The following PARP16 variants were observed in gnomAD, a reference collection of about 807,000 sequenced individuals.
PARP16 encodes poly(ADP-ribose) polymerase family member 16.
PARP16 carries 31 observed loss-of-function variants against 35.0 expected under a neutral mutation model. The observed-to-expected ratio is 0.88, with a 90% CI of 0.66 to 1.19. The LOEUF is 1.19. Ranked by LOEUF, PARP16 falls within the 50% of genes most tolerant of loss-of-function variation. The pLI is 0.00. For synonymous variants in PARP16, 162 were observed against 169.5 expected (o/e 0.96, Z 0.34); for missense variants, 424 against 411.2 (o/e 1.03, Z -0.27).
intron 1 of PARP16, among the ~76,000 whole-genome samples, chr15:65,279,221 C>T (rs992625872): frequency 6.6e-6 from 1 of 152,158 alleles, no homozygotes; most frequent in Non-Finnish European, 1.5e-5. Context: ...AAACCTACAA[C>T]CCTGAGTTGT....
At chr15:65,279,834 CT>C (rs1468378903) in intron 1 of PARP16, among the ~76,000 whole-genome samples, 1 of 150,856 alleles carries the variant, frequency 6.6e-6, no homozygotes, top group African/African-American at 2.4e-5. Flanking sequence ...CAAGGCTGCA[CT>C]TTAAACCAAT....
chr15:65,271,022 G>GA lies in PARP16; in HGVS notation c.224_225insT (p.Gly76ArgfsTer31). 6.2e-7 allele frequency: 1 copy of GA among 1,613,492 alleles called. No homozygotes were observed. The highest frequency in any genetic ancestry group is 8.5e-7 in the Non-Finnish European group (1 of 1,179,470). ...CCCAGGCCCGTTTGTGGTTGTCTCCGGAGGACTGGAGAAGTTCTTTCAGGT... is the reference window on the plus strand; with the variant it reads ...CCCAGGCCCGTTTGTGGTTGTCTCCGAGAGGACTGGAGAAGTTCTTTCAGGT... On this transcript the variant is annotated frameshift_variant, in exon 2 of 6. Transcript: ENST00000649807. LOFTEE classifies it high-confidence loss of function.
rs1188066791 is a variant in PARP16 at position 65,271,027 on chromosome 15, A to G, written c.220T>C (p.Ser74Pro). 1 of 1,613,492 alleles carries G rather than the reference A, an allele frequency of 6.2e-7. No individual in the cohort carries two copies. The highest frequency in any genetic ancestry group is 1.7e-5 in the Admixed American group (1 of 60,014). Residue 74 changes from serine (S) to proline (P), a missense_variant, in exon 2 of 6, where the codon TCC becomes CCC. Ser to Pro is a moderately conservative substitution (Grantham distance 74). Transcript: ENST00000649807. ...GCCCGTTTGTGGTTGTCTCCGGAGG[A>G]CTGGAGAAGTTCTTTCAGGTTAGGT... The part of the protein sequence containing the change: ...KLPNLKELLQ[S>P]SGDNHKRAWD...
intron 3 of PARP16, among the ~76,000 whole-genome samples, chr15:65,237,143 T>C (rs2088904844): frequency 6.6e-6 from 1 of 152,122 alleles, no homozygotes; most frequent in African/African-American, 2.4e-5. Flanking sequence ...ACCTCCTATC[T>C]GCAGTTCCTC....
intron 3 of PARP16, among the ~76,000 whole-genome samples, chr15:65,236,142 A>T (rs1427750344): frequency 6.6e-6 from 1 of 152,104 alleles, no homozygotes; most frequent in East Asian, 2.0e-4. Flanking sequence ...TACAGGCGTG[A>T]GCCACTGTGC....
chr15:65,286,256 G>T lies in PARP16; in HGVS notation c.171C>A (p.Ala57=), dbSNP rs764812994. Reference sequence around the variant, plus strand: ...CGCCAGGACAAAGCACACTCACCAGGGCTTCAAAGTCCTTACAGTCGCCGC... The same window carrying T: ...CGCCAGGACAAAGCACACTCACCAGTGCTTCAAAGTCCTTACAGTCGCCGC... ...YARGDCKDFE[A]LLADASKLPN... is the part of the protein sequence containing the mutation. The change falls in exon 1 of 6, where the codon GCC becomes GCA. Residue 57 remains alanine (A), a synonymous_variant. Coordinates refer to ENST00000649807, the MANE Select transcript of PARP16 (RefSeq NM_001316943.2). The T allele has an allele frequency of 6.3e-7, 1 of 1,576,874 alleles. No homozygotes were observed. Among genetic ancestry groups the T allele is most frequent in the Non-Finnish European group, 8.6e-7 (1 of 1,164,680 alleles).
At chr15:65,234,191 T>A (rs893892496), downstream of PARP16, among the ~76,000 whole-genome samples, 1 of 152,126 alleles carries the variant, frequency 6.6e-6, no homozygotes. Context: ...GTTGCCCAGG[T>A]TGGTCTTGAA....
intron 2 of PARP16, among the ~76,000 whole-genome samples, chr15:65,270,183 G>T (rs2090048024): frequency 6.6e-6 from 1 of 152,194 alleles, no homozygotes; most frequent in African/African-American, 2.4e-5. Context: ...AAGAGCACCA[G>T]AGCAGGAATC....
chr15:65,255,677 A>G (rs2089480057), downstream of PARP16, among the ~76,000 whole-genome samples: 1 of 146,366 alleles, frequency 6.8e-6, no homozygotes, highest in Non-Finnish European at 1.5e-5. Flanking sequence ...GTATTGCGTT[A>G]CCATTTCTTC....
At chr15:65,281,708 T>A (rs994930111) in intron 1 of PARP16, among the ~76,000 whole-genome samples, 69 of 134,150 alleles carry the variant, frequency 5.1e-4, no homozygotes, top group Non-Finnish European at 9.2e-4. Flanking sequence ...AAAAAAAAAA[T>A]CAGAGAGCTT....
Position 65,253,031 on chromosome 15 carries a change from G to A in PARP16, c.203-4803C>T, listed in dbSNP as rs1260669220. Among the ~76,000 whole-genome samples the A allele has an allele frequency of 3.9e-5, 6 of 151,922 alleles. No individual in the cohort carries two copies. In the East Asian group the frequency reaches 9.8e-4, roughly 25 times the overall value. ...TGTAATCCCAGCTACTTGGGAGGCT[G>A]AGGTAGGAGAATCACTTGAACCTGG... On this transcript the variant is annotated intron_variant and NMD_transcript_variant, in intron 2 of 3. Coordinates refer to the PARP16 transcript ENST00000559805.
chr15:65,238,646 T>C (rs1020725908), intron 3 of PARP16, among the ~76,000 whole-genome samples: 1 of 152,192 alleles, frequency 6.6e-6, no homozygotes, highest in Non-Finnish European at 1.5e-5. Context: ...ATGACTCCCA[T>C]GTCGACTCTC....
chr15:65,266,059 G>C (rs1383426529), intron 3 of PARP16, among the ~76,000 whole-genome samples: 1 of 152,130 alleles, frequency 6.6e-6, no homozygotes, highest in Non-Finnish European at 1.5e-5. Flanking sequence ...CTCCCGAGTA[G>C]CTGGGATTAC....
intron 1 of PARP16, among the ~76,000 whole-genome samples, chr15:65,271,909 T>A (rs1451402586): frequency 6.6e-6 from 1 of 152,220 alleles, no homozygotes; most frequent in African/African-American, 2.4e-5. Flanking sequence ...TGACCCAGCA[T>A]GGTACACGGC....
intron 1 of PARP16, among the ~76,000 whole-genome samples, chr15:65,278,272 G>C (rs1302811446): frequency 6.6e-6 from 1 of 152,210 alleles, no homozygotes; most frequent in Non-Finnish European, 1.5e-5. Flanking sequence ...CTGCCCTAGG[G>C]CAACCTCCAC....
chr15:65,238,998 G>A (rs918174001), intron 3 of PARP16, among the ~76,000 whole-genome samples: 1 of 152,126 alleles, frequency 6.6e-6, no homozygotes, highest in Non-Finnish European at 1.5e-5. Flanking sequence ...AGGTATGATG[G>A]CATGTGCCTG....
downstream of PARP16, among the ~76,000 whole-genome samples, chr15:65,231,286 T>G (rs1399912288): frequency 1.3e-5 from 2 of 152,160 alleles, no homozygotes; most frequent in African/African-American, 2.4e-5. Context: ...CCATTTACAT[T>G]TATTAATATA....
chr15:65,249,491 A>G (rs892159748), intron 2 of PARP16, among the ~76,000 whole-genome samples: 1 of 152,158 alleles, frequency 6.6e-6, no homozygotes, highest in African/African-American at 2.4e-5. Flanking sequence ...CAACCTGGAG[A>G]CAGACAGCTA....
At chr15:65,281,727 G>A (rs369568542) in intron 1 of PARP16, among the ~76,000 whole-genome samples, 2 of 151,608 alleles carry the variant, frequency 1.3e-5, no homozygotes, top group African/African-American at 4.8e-5. Context: ...TTATCAGCAC[G>A]AAAATGGTCT....
Sources: gnomAD v4.1 joint callset for allele counts (sites outside exome capture counted in the v4.1 genomes callset) on GRCh38, gnomAD v4.1.1 for gene constraint, MANE v1.5 for transcripts, NCBI Gene and HGNC (gene_info 2026-07-23, HGNC 2026-07-21) for gene names.